The following HS3ST3A1 variants were observed in gnomAD, a reference collection of about 807,000 sequenced individuals.
HS3ST3A1 encodes heparan sulfate-glucosamine 3-sulfotransferase 3A1.
Under a neutral mutation model 25.7 loss-of-function variants are expected in HS3ST3A1, and 19 were observed. The observed-to-expected ratio is 0.74, with a 90% CI of 0.52 to 1.08. The LOEUF (loss-of-function observed/expected upper bound fraction) is 1.08. Among genes scored for constraint, HS3ST3A1 ranks in the 50% least tolerant of loss-of-function variants. The pLI, the probability that HS3ST3A1 is intolerant of heterozygous loss-of-function variation, is 0.00. For missense variants in HS3ST3A1, 459 were observed against 594.3 expected (o/e 0.77, Z 2.37); for synonymous variants, 226 against 278.6 (o/e 0.81, Z 1.88).
At chr17:13,530,556 TA>T (rs1321585312) in intron 1 of HS3ST3A1, among the ~76,000 whole-genome samples, 1 of 152,192 alleles carries the variant, frequency 6.6e-6, no homozygotes, top group Non-Finnish European at 1.5e-5. Context: ...TGGGTCACAC[TA>T]ACTTTTAAAA....
At chr17:13,598,022 A>C (rs761942570) in intron 1 of HS3ST3A1, among the ~76,000 whole-genome samples, 3 of 152,192 alleles carry the variant, frequency 2.0e-5, no homozygotes, top group Non-Finnish European at 4.4e-5. Flanking sequence ...GTCAATGTAC[A>C]CCTAAAAATA....
intron 1 of HS3ST3A1, among the ~76,000 whole-genome samples, chr17:13,497,830 AT>A (rs1905333209): frequency 6.6e-6 from 1 of 152,188 alleles, no homozygotes; most frequent in Non-Finnish European, 1.5e-5. Context: ...CTAGGATTAT[AT>A]TGTATCTTTA....
intron 1 of HS3ST3A1, among the ~76,000 whole-genome samples, chr17:13,570,548 C>T (rs1165790047): frequency 6.6e-6 from 1 of 152,194 alleles, no homozygotes; most frequent in African/African-American, 2.4e-5. Flanking sequence ...GACACAATCA[C>T]AGCTCAGTGT....
chr17:13,512,202 G>C (rs976032444), intron 1 of HS3ST3A1, among the ~76,000 whole-genome samples: 6 of 151,484 alleles, frequency 4.0e-5, no homozygotes, highest in Non-Finnish European at 7.4e-5. Flanking sequence ...GGGAGGCTGA[G>C]GCAGGAGAAT....
chr17:13,574,354 C>T lies in HS3ST3A1; in HGVS notation c.599+26177G>A, dbSNP rs533959413. Reference sequence around the variant, plus strand: ...TTCACCGTGTTAGCTAAGATGGTCTCGAACTCCTGACCTCAGCCTCCCAAG... The same window carrying T: ...TTCACCGTGTTAGCTAAGATGGTCTTGAACTCCTGACCTCAGCCTCCCAAG... On this transcript the variant is annotated intron_variant, in intron 1 of 1. Transcript: ENST00000284110. Among the ~76,000 whole-genome samples, 308 of 151,312 alleles carry T rather than the reference C, an allele frequency of 2.0e-3. 1 individual carries two copies. The highest frequency in any genetic ancestry group is 6.9e-3 in the Middle Eastern group (2 of 290).
intron 1 of HS3ST3A1, among the ~76,000 whole-genome samples, chr17:13,572,672 A>G (rs901249159): frequency 6.6e-6 from 1 of 152,140 alleles, no homozygotes; most frequent in African/African-American, 2.4e-5. Flanking sequence ...TGTTAAGGTC[A>G]TTTCACCTGC....
chr17:13,557,547 A>G (rs1374910417), intron 1 of HS3ST3A1, among the ~76,000 whole-genome samples: 1 of 152,220 alleles, frequency 6.6e-6, no homozygotes, highest in Non-Finnish European at 1.5e-5. Context: ...TCAAACAGAG[A>G]TGAAATTGGA....
rs181403140 is a variant in HS3ST3A1, at chr17:13,560,841, T to C, written c.599+39690A>G. On this transcript the variant is annotated intron_variant, in intron 1 of 1. Transcript: ENST00000284110. Reference sequence around the variant, plus strand: ...CTTGTAAAAGACAGGGGAAGCAAAGTGTGGGAAATTAAAGTGACATTCCTG... The same window carrying C: ...CTTGTAAAAGACAGGGGAAGCAAAGCGTGGGAAATTAAAGTGACATTCCTG... 4.6e-4 allele frequency among the ~76,000 whole-genome samples: 70 copies of C among 152,276 alleles called. No homozygotes were observed. The East Asian group carries it at 0.013, about 28-fold the overall frequency.
intron 1 of HS3ST3A1, among the ~76,000 whole-genome samples, chr17:13,506,555 G>A (rs1213439874): frequency 6.6e-6 from 1 of 152,210 alleles, no homozygotes; most frequent in Non-Finnish European, 1.5e-5. Context: ...AGATCTGAAA[G>A]AATGCAGTTC....
At chr17:13,534,980 T>G (rs1435406473) in intron 1 of HS3ST3A1, among the ~76,000 whole-genome samples, 1 of 152,072 alleles carries the variant, frequency 6.6e-6, no homozygotes, top group East Asian at 1.9e-4. Flanking sequence ...GAGCCGAGAT[T>G]GTGCCATTGC....
chr17:13,518,571 G>C (rs747575221), intron 1 of HS3ST3A1, among the ~76,000 whole-genome samples: 179 of 152,218 alleles, frequency 1.2e-3, no homozygotes, highest in Middle Eastern at 6.8e-3. Context: ...ATCAGGAGTG[G>C]AATCTGTTTT....
intron 1 of HS3ST3A1, among the ~76,000 whole-genome samples, chr17:13,521,352 T>C (rs1487291945): frequency 6.6e-6 from 1 of 152,216 alleles, no homozygotes; most frequent in Non-Finnish European, 1.5e-5. Flanking sequence ...GTAATTAGCC[T>C]GATGGGGAAT....
chr17:13,561,875 A>C (rs1005754393), intron 1 of HS3ST3A1, among the ~76,000 whole-genome samples: 1 of 151,988 alleles, frequency 6.6e-6, no homozygotes, highest in Non-Finnish European at 1.5e-5. Context: ...GGGTACAAAG[A>C]GGACAGACAA....
chr17:13,565,297 G>A (rs1056769017), intron 1 of HS3ST3A1, among the ~76,000 whole-genome samples: 2 of 152,086 alleles, frequency 1.3e-5, no homozygotes, highest in African/African-American at 4.8e-5. Flanking sequence ...CAGCACCTTG[G>A]GAGGCCAAGG....
intron 1 of HS3ST3A1, among the ~76,000 whole-genome samples, chr17:13,526,780 T>C (rs1906445413): frequency 6.6e-6 from 1 of 151,914 alleles, no homozygotes; most frequent in African/African-American, 2.4e-5. Context: ...CCCGAGTAGC[T>C]GGGATTACAG....
At chr17:13,532,261 T>C (rs2142333121) in intron 1 of HS3ST3A1, among the ~76,000 whole-genome samples, 1 of 152,268 alleles carries the variant, frequency 6.6e-6, no homozygotes, top group East Asian at 1.9e-4. Flanking sequence ...GCACTTGTGT[T>C]CCTTTACCAT....
At position 13,563,000 on chromosome 17, in the gene HS3ST3A1, G is replaced by A. The variant is rs558961555; in HGVS notation, c.599+37531C>T. ...CATTTCATTGGGGTAAAGAAATTGA[G>A]TCAGACGTAAAGGGGCCCTAAACAA... On this transcript the variant is annotated intron_variant, in intron 1 of 1. Coordinates refer to ENST00000284110, the MANE Select transcript of HS3ST3A1 (RefSeq NM_006042.3). 6.1e-4 allele frequency among the ~76,000 whole-genome samples: 93 copies of A among 151,822 alleles called. 1 individual carries two copies. Among genetic ancestry groups the A allele is most frequent in the Non-Finnish European group, 1.1e-3 (74 of 67,980 alleles).
At chr17:13,513,175 C>T (rs1905933361) in intron 1 of HS3ST3A1, among the ~76,000 whole-genome samples, 1 of 152,178 alleles carries the variant, frequency 6.6e-6, no homozygotes, top group South Asian at 2.1e-4. Flanking sequence ...GCTGTCCATT[C>T]CAAAAAAGCC....
intron 1 of HS3ST3A1, among the ~76,000 whole-genome samples, chr17:13,573,395 C>T (rs193105077): frequency 6.6e-5 from 10 of 152,256 alleles, no homozygotes; most frequent in African/African-American, 1.2e-4. Flanking sequence ...ACCTAGAACT[C>T]GAAGCTCCCC....
Sources: gnomAD v4.1 joint callset for allele counts (sites outside exome capture counted in the v4.1 genomes callset) on GRCh38, gnomAD v4.1.1 for gene constraint, MANE v1.5 for transcripts, NCBI Gene and HGNC (gene_info 2026-07-23, HGNC 2026-07-21) for gene names.